The following KANSL1 variants were observed in gnomAD, a reference collection of about 807,000 sequenced individuals.
KANSL1 encodes the protein MLL1/MLL complex subunit KANSL1.
A neutral mutation model predicts 103.6 loss-of-function variants in KANSL1; 22 were observed. The ratio of observed to expected loss-of-function variants is 0.21; its 90% CI spans 0.15 to 0.30. The LOEUF (loss-of-function observed/expected upper bound fraction) is 0.30, where lower values mean the gene tolerates loss of function less well. KANSL1 is among the 10% of genes least tolerant of loss of function. The pLI is 1.00. For missense variants in KANSL1, 1,337 were observed against 1,399.8 expected (o/e 0.96, Z 0.72); for synonymous variants, 600 against 527.6 (o/e 1.14, Z -1.88).
intron 2 of KANSL1, among the ~76,000 whole-genome samples, chr17:46,113,083 T>G (rs2042892460): frequency 6.6e-6 from 1 of 152,022 alleles, no homozygotes. Context: ...ACAAAGAAAC[T>G]AGCAATGCCT....
At chr17:46,103,093 C>T (rs558283267) in intron 2 of KANSL1, among the ~76,000 whole-genome samples, 1 of 152,126 alleles carries the variant, frequency 6.6e-6, no homozygotes, top group Non-Finnish European at 1.5e-5. Context: ...CAGTGAACAA[C>T]GAAAAGAATT....
At chr17:46,109,397 C>T (rs901879817) in intron 2 of KANSL1, among the ~76,000 whole-genome samples, 3 of 152,280 alleles carry the variant, frequency 2.0e-5, no homozygotes, top group Admixed American at 6.5e-5. Context: ...CTAACAGAAT[C>T]GTGAATTATA....
chr17:46,116,634 T>C (rs1010863176), intron 2 of KANSL1, among the ~76,000 whole-genome samples: 1 of 152,234 alleles, frequency 6.6e-6, no homozygotes, highest in South Asian at 2.1e-4. Context: ...ATAAGTCAAT[T>C]CATTATCAAC....
intron 1 of KANSL1, among the ~76,000 whole-genome samples, chr17:46,190,296 T>C (rs1238127422): frequency 6.6e-6 from 1 of 152,248 alleles, no homozygotes; most frequent in Admixed American, 6.5e-5. Context: ...ACTTCCAGAA[T>C]TTTCCTCAAC....
At chr17:46,034,895 T>C (rs1439386228) in intron 10 of KANSL1, 2 of 152,414 alleles carry the variant, frequency 1.3e-5, no homozygotes, top group Non-Finnish European at 2.9e-5. Context: ...GAGAGCTTTC[T>C]AGCTGTATCA....
rs146974611 is a variant in KANSL1, at chr17:46,112,593, G to A, written c.1290-17892C>T. The stretch of plus-strand genomic sequence containing the variant: ...TCAGCTACTCAGGAGGCTGAGGTGG[G>A]AGAATCGCTTGAACCTGGGAGGCAG... On this transcript the variant is annotated intron_variant, in intron 2 of 14. Coordinates refer to ENST00000432791, the MANE Select transcript of KANSL1 (RefSeq NM_015443.4). Among the ~76,000 whole-genome samples, 827 of 150,856 alleles carry A rather than the reference G, an allele frequency of 5.5e-3. 5 individuals carry two copies. The highest frequency in any genetic ancestry group is 0.02 in the African/African-American group (789 of 40,308).
intron 2 of KANSL1, among the ~76,000 whole-genome samples, chr17:46,151,482 T>C (rs1174512102): frequency 2.0e-5 from 3 of 152,250 alleles, no homozygotes; most frequent in Non-Finnish European, 2.9e-5. Flanking sequence ...TAACCATCAC[T>C]TTCAATCTCC....
At chr17:46,135,542 A>ATTTTATTTT (rs2044090202) in intron 2 of KANSL1, among the ~76,000 whole-genome samples, 1 of 119,076 alleles carries the variant, frequency 8.4e-6, no homozygotes, top group Non-Finnish European at 1.7e-5. Context: ...TCAACTATAC[A>ATTTTATTTT]TTTTTTTTTT....
chr17:46,119,394 G>A (rs748444929), intron 2 of KANSL1, among the ~76,000 whole-genome samples: 7 of 150,804 alleles, frequency 4.6e-5, no homozygotes, highest in Admixed American at 1.3e-4. Flanking sequence ...TGCAACCTCC[G>A]CTTCCCAGGT....
chr17:46,096,153 C>CTCTCT (rs67515292), intron 2 of KANSL1, among the ~76,000 whole-genome samples: 1 of 128,136 alleles, frequency 7.8e-6, no homozygotes, highest in Non-Finnish European at 1.6e-5. Flanking sequence ...TTTTTTTTTT[C>CTCTCT]CTGAGAGGCA....
chr17:46,161,567 T>C (rs1276883392), intron 2 of KANSL1, among the ~76,000 whole-genome samples: 1 of 152,172 alleles, frequency 6.6e-6, no homozygotes, highest in African/African-American at 2.4e-5. Flanking sequence ...CCAGGATACA[T>C]CTCTTGTAAG....
Position 46,032,256 on chromosome 17 carries a change from T to C in KANSL1, c.2881A>G (p.Ser961Gly). The C allele has an allele frequency of 6.5e-7, 1 of 1,545,058 alleles. No individual in the cohort carries two copies. The highest frequency in any genetic ancestry group is 8.7e-7 in the Non-Finnish European group (1 of 1,143,556). The change falls in exon 14 of 15, where the codon AGT becomes GGT. Residue 961 changes from serine to glycine, a missense_variant. Transcript: ENST00000432791. ...SDGRTTPQLG[S>G]ANPSTPQPAS... Reference sequence around the variant, plus strand: ...GGCTGGGGGGTGGAGGGGTTGGCACTGCCCAGCTGGGGGGTTGTCCGGCCG... The same window carrying C: ...GGCTGGGGGGTGGAGGGGTTGGCACCGCCCAGCTGGGGGGTTGTCCGGCCG...
chr17:46,148,383 T>TCA (rs2044854668), intron 2 of KANSL1: 1 of 152,234 alleles, frequency 6.6e-6, no homozygotes, highest in Non-Finnish European at 1.5e-5. Context: ...TATATAACTA[T>TCA]CACCTGGTTG....
intron 2 of KANSL1, among the ~76,000 whole-genome samples, chr17:46,132,032 TAGG>T (rs138762698): frequency 0.054 from 8,244 of 151,864 alleles, 741 homozygotes; most frequent in African/African-American, 0.19. Context: ...GAGGCTGAGG[TAGG>T]AGAATCACTT....
At chr17:46,112,095 G>T (rs1598647714) in intron 2 of KANSL1, among the ~76,000 whole-genome samples, 1 of 152,062 alleles carries the variant, frequency 6.6e-6, no homozygotes, top group African/African-American at 2.4e-5. Context: ...AGACAGGCAC[G>T]GTGGCTCACA....
chr17:46,050,807 T>TTA, intron 6 of KANSL1, 103 bp from the exon 7 acceptor site: 1 of 977,966 alleles, frequency 1.0e-6, no homozygotes, highest in Non-Finnish European at 1.5e-6. Flanking sequence ...TCCCCATTTG[T>TTA]TATTGCGAAG....
rs553483086 is a variant in KANSL1 at position 46,051,803 on chromosome 17, G to A, written c.1849-1099C>T. ...CATTTATTTTCAGCAGAGACATCTC[G>A]AAAGCCTTTTATGGATTTGTGTAAG... On this transcript the variant is annotated intron_variant, in intron 6 of 14. Transcript: ENST00000432791. 9.8e-5 allele frequency among the ~76,000 whole-genome samples: 15 copies of A among 152,302 alleles called. No individual in the cohort carries two copies. The South Asian group carries it at 1.5e-3, about 15-fold the overall frequency.
upstream of KANSL1, among the ~76,000 whole-genome samples, chr17:46,197,705 A>C (rs907369038): frequency 2.6e-5 from 4 of 152,250 alleles, no homozygotes; most frequent in African/African-American, 9.6e-5. Flanking sequence ...TGCTGTCTGT[A>C]ATTCCTCTGA....
intron 3 of KANSL1, among the ~76,000 whole-genome samples, chr17:46,087,732 C>A (rs3912061): frequency 6.6e-6 from 1 of 152,084 alleles, no homozygotes; most frequent in Non-Finnish European, 1.5e-5. Flanking sequence ...TTGAGCTATA[C>A]TTATTCATTA....
Sources: allele counts gnomAD v4.1 joint callset (sites outside exome capture counted in the v4.1 genomes callset), GRCh38; gene constraint gnomAD v4.1.1; transcripts MANE v1.5; gene names NCBI Gene and HGNC (gene_info 2026-07-23, HGNC 2026-07-21).